The following NRXN3 variants were observed in gnomAD, a reference collection of about 807,000 sequenced individuals.
The protein encoded by NRXN3 is neurexin III.
A neutral mutation model predicts 137.6 loss-of-function variants in NRXN3; 32 were observed. That is an observed-to-expected ratio of 0.23 (90% CI 0.18 to 0.31). The LOEUF (loss-of-function observed/expected upper bound fraction) is 0.31, where lower values mean the gene tolerates loss of function less well. Among genes scored for constraint, NRXN3 ranks in the 10% least tolerant of loss-of-function variants. NRXN3 has a pLI of 1.00. For missense variants in NRXN3, 1,574 were observed against 2,062.5 expected (o/e 0.76, Z 4.59); for synonymous variants, 798 against 784.5 (o/e 1.02, Z -0.29).
At chr14:79,381,718 T>A (rs2094475459) in intron 15 of NRXN3, among the ~76,000 whole-genome samples, 1 of 152,142 alleles carries the variant, frequency 6.6e-6, no homozygotes, top group Non-Finnish European at 1.5e-5. Flanking sequence ...AAACAAATAA[T>A]CACAAGACAT....
intron 3 of NRXN3, among the ~76,000 whole-genome samples, chr14:78,296,427 C>T (rs1166390856): frequency 1.3e-5 from 2 of 152,134 alleles, no homozygotes; most frequent in Admixed American, 6.5e-5. Flanking sequence ...CTCCAACAGA[C>T]ATTTTAAGAA....
intron 15 of NRXN3, among the ~76,000 whole-genome samples, chr14:79,286,667 C>T (rs1223352421): frequency 2.0e-5 from 3 of 151,578 alleles, no homozygotes; most frequent in South Asian, 2.1e-4. Flanking sequence ...AAAATGCGTG[C>T]TGATGTTGAT....
At chr14:78,182,313 G>T (rs2059881129) in intron 1 of NRXN3, among the ~76,000 whole-genome samples, 1 of 152,164 alleles carries the variant, frequency 6.6e-6, no homozygotes, top group East Asian at 1.9e-4. Context: ...ACCAAAGCTT[G>T]TAAGGCTCTC....
intron 15 of NRXN3, among the ~76,000 whole-genome samples, chr14:79,131,590 A>T (rs905999973): frequency 7.9e-5 from 12 of 152,348 alleles, no homozygotes; most frequent in African/African-American, 2.9e-4. Flanking sequence ...AAGCTGTCAG[A>T]CAGGGTCATT....
At chr14:78,892,202 A>C (rs2099160974) in intron 10 of NRXN3, among the ~76,000 whole-genome samples, 1 of 151,956 alleles carries the variant, frequency 6.6e-6, no homozygotes. Context: ...TTTCAGAACC[A>C]CTGGGCACAG....
chr14:79,412,231 A>G (rs185956778), intron 15 of NRXN3, among the ~76,000 whole-genome samples: 1 of 152,254 alleles, frequency 6.6e-6, no homozygotes, highest in Admixed American at 6.5e-5. Context: ...GTGCCTAAAT[A>G]TCTTCACCAA....
chr14:78,767,886 C>G lies in NRXN3; in HGVS notation c.2045-35734C>G, dbSNP rs532253075. ...TAAGCTTAGTAGAGAGAACTCATCT[C>G]AGCCTTGTCCCTGGGTCCCTTGAAG... is the stretch of plus-strand genomic sequence containing the variant. On this transcript the variant is annotated intron_variant, in intron 8 of 20. Transcript: ENST00000335750. 1.6e-4 allele frequency among the ~76,000 whole-genome samples: 24 copies of G among 152,204 alleles called. 1 individual carries two copies. The East Asian group carries it at 4.4e-3, about 28-fold the overall frequency.
At chr14:78,952,494 T>C (rs930644306) in intron 10 of NRXN3, among the ~76,000 whole-genome samples, 1 of 152,134 alleles carries the variant, frequency 6.6e-6, no homozygotes, top group Non-Finnish European at 1.5e-5. Flanking sequence ...CCTAATACAA[T>C]GTGTGATGCT....
At chr14:79,299,426 A>G (rs888949750) in intron 15 of NRXN3, among the ~76,000 whole-genome samples, 1 of 152,118 alleles carries the variant, frequency 6.6e-6, no homozygotes, top group Non-Finnish European at 1.5e-5. Context: ...CTCTGCCTCA[A>G]CAACTACTCA....
chr14:79,182,058 T>C (rs1021431533), intron 15 of NRXN3, among the ~76,000 whole-genome samples: 3 of 152,180 alleles, frequency 2.0e-5, no homozygotes, highest in African/African-American at 2.4e-5. Flanking sequence ...CTCCTAGTTA[T>C]AATCATGGTC....
intron 15 of NRXN3, among the ~76,000 whole-genome samples, chr14:79,339,846 C>T (rs539839890): frequency 6.6e-6 from 1 of 152,080 alleles, no homozygotes; most frequent in African/African-American, 2.4e-5. Context: ...GATGATCATA[C>T]TTGAAAAGTT....
At chr14:79,704,527 A>G (rs2371064) in intron 19 of NRXN3, among the ~76,000 whole-genome samples, 44,290 of 152,002 alleles carry the variant, frequency 0.29, 7,150 homozygotes, top group Admixed American at 0.47. Flanking sequence ...TGCTTTTACC[A>G]CTAGACAACA....
intron 15 of NRXN3, among the ~76,000 whole-genome samples, chr14:79,204,018 A>G (rs2066436249): frequency 6.6e-6 from 1 of 152,096 alleles, no homozygotes; most frequent in Admixed American, 6.6e-5. Flanking sequence ...AGAGTTGGGT[A>G]GCGATATATG....
intron 4 of NRXN3, among the ~76,000 whole-genome samples, chr14:78,564,799 A>G (rs957495333): frequency 1.3e-5 from 2 of 152,084 alleles, no homozygotes; most frequent in African/African-American, 4.8e-5. Context: ...AGTACTTGAC[A>G]TATGGTGGGG....
chr14:79,768,202 G>A (rs923525637), intron 19 of NRXN3, among the ~76,000 whole-genome samples: 11 of 152,186 alleles, frequency 7.2e-5, no homozygotes, highest in South Asian at 4.1e-4. Flanking sequence ...GGGGAGGGGC[G>A]CCTGCCATTG....
intron 16 of NRXN3, among the ~76,000 whole-genome samples, chr14:79,617,920 A>AAAAAAAAAAAAC (rs1159466506): frequency 6.7e-6 from 1 of 149,702 alleles, no homozygotes; most frequent in Non-Finnish European, 1.5e-5. Context: ...ATAGCAGCAA[A>AAAAAAAAAAAAC]AAAAAAAAAA....
chr14:79,353,152 A>G (rs2093286819), intron 15 of NRXN3, among the ~76,000 whole-genome samples: 1 of 152,048 alleles, frequency 6.6e-6, no homozygotes, highest in South Asian at 2.1e-4. Flanking sequence ...TAAATAATAT[A>G]TTCTAATAAT....
intron 4 of NRXN3, among the ~76,000 whole-genome samples, chr14:78,373,221 A>G (rs970266775): frequency 6.6e-6 from 1 of 152,030 alleles, no homozygotes; most frequent in African/African-American, 2.4e-5. Flanking sequence ...TCTGAAGTCT[A>G]AAGTCAGAGG....
At chr14:79,648,955 T>G (rs1387584699) in intron 16 of NRXN3, among the ~76,000 whole-genome samples, 1 of 152,156 alleles carries the variant, frequency 6.6e-6, no homozygotes, top group East Asian at 1.9e-4. Flanking sequence ...TGCAGAAAGT[T>G]TTTTGAAGTC....
Sources: allele counts gnomAD v4.1 joint callset (sites outside exome capture counted in the v4.1 genomes callset), GRCh38; gene constraint gnomAD v4.1.1; transcripts MANE v1.5; gene names NCBI Gene and HGNC (gene_info 2026-07-23, HGNC 2026-07-21).